The following CALN1 variants were observed in gnomAD, a reference collection of about 807,000 sequenced individuals.
The protein encoded by CALN1 is calneuron 1.
In CALN1, 17 loss-of-function variants were observed where a neutral mutation model predicts 30.6. That is an observed-to-expected ratio of 0.56 (90% CI 0.38 to 0.83). CALN1 has a LOEUF of 0.83. Among genes scored for constraint, CALN1 ranks in the 40% least tolerant of loss-of-function variants. CALN1 has a pLI of 0.00. For synonymous variants in CALN1, 156 were observed against 131.4 expected (o/e 1.19, Z -1.28); for missense variants, 291 against 354.9 (o/e 0.82, Z 1.45).
chr7:72,019,454 A>G (rs969749669), intron 5 of CALN1, among the ~76,000 whole-genome samples: 1 of 152,228 alleles, frequency 6.6e-6, no homozygotes, highest in Admixed American at 6.5e-5. Context: ...AGAATATTGC[A>G]GAAATGATTG....
intron 5 of CALN1, among the ~76,000 whole-genome samples, chr7:71,991,071 A>G (rs1415751353): frequency 6.6e-6 from 1 of 152,130 alleles, no homozygotes; most frequent in East Asian, 1.9e-4. Context: ...ACAAATATGA[A>G]GGAAGAGAAC....
intron 3 of CALN1, among the ~76,000 whole-genome samples, chr7:72,252,628 C>A (rs142294687): frequency 1.6e-4 from 22 of 140,088 alleles, no homozygotes; most frequent in Admixed American, 7.9e-4. Context: ...AAAAGAAAGA[C>A]AGAGGAAGGA....
chr7:72,049,778 G>C (rs2129535588), intron 4 of CALN1, among the ~76,000 whole-genome samples: 1 of 151,376 alleles, frequency 6.6e-6, no homozygotes, highest in East Asian at 2.0e-4. Flanking sequence ...AAAGTGCTGG[G>C]ATTACAGGTG....
At chr7:72,423,267 T>C (rs1807677201) in intron 1 of CALN1, among the ~76,000 whole-genome samples, 1 of 152,258 alleles carries the variant, frequency 6.6e-6, no homozygotes, top group Admixed American at 6.5e-5. Flanking sequence ...TTTCAAGTTT[T>C]AATTTTCCTA....
intron 5 of CALN1, among the ~76,000 whole-genome samples, chr7:71,885,111 G>A (rs193291538): frequency 8.7e-4 from 133 of 152,198 alleles, no homozygotes; most frequent in African/African-American, 3.1e-3. Flanking sequence ...TGCCCGCTCC[G>A]CTTTGAGTTG....
intron 2 of CALN1, among the ~76,000 whole-genome samples, chr7:72,358,105 C>T (rs1803348742): frequency 6.6e-6 from 1 of 151,850 alleles, no homozygotes; most frequent in African/African-American, 2.4e-5. Context: ...GATCCTCCCA[C>T]CTCAGCATCC....
the CALN1 span, among the ~76,000 whole-genome samples, chr7:72,459,131 C>T: frequency 2.0e-5 from 3 of 151,788 alleles, no homozygotes; most frequent in African/African-American, 4.8e-5. Context: ...CTCAAACTCT[C>T]GACCTCAGGT....
chr7:72,002,442 G>A (rs1400618504), intron 5 of CALN1, among the ~76,000 whole-genome samples: 1 of 152,100 alleles, frequency 6.6e-6, no homozygotes, highest in East Asian at 1.9e-4. Flanking sequence ...ATGGGTAATT[G>A]AAGTACAGTT....
chr7:72,169,385 T>C (rs1034708086), intron 3 of CALN1, among the ~76,000 whole-genome samples: 8 of 152,102 alleles, frequency 5.3e-5, no homozygotes, highest in Non-Finnish European at 1.0e-4. Flanking sequence ...AGTGGTGTGA[T>C]CATACCTCAC....
At position 72,373,774 on chromosome 7, in the gene CALN1, T is replaced by C. The variant is rs368925642; in HGVS notation, c.119+29477A>G. Among the ~76,000 whole-genome samples, 31 of 152,282 alleles carry C rather than the reference T, an allele frequency of 2.0e-4. No individual in the cohort carries two copies. In the East Asian group the frequency reaches 2.5e-3, roughly 12 times the overall value. ...TAAATCTATGGATTCAGTAAGCTCATAGAATCAGAAACAGAGTAAGTCCCA... is the reference window on the plus strand; with the variant it reads ...TAAATCTATGGATTCAGTAAGCTCACAGAATCAGAAACAGAGTAAGTCCCA... On this transcript the variant is annotated intron_variant, in intron 2 of 6. Coordinates refer to ENST00000395275, the MANE Select transcript of CALN1 (RefSeq NM_031468.4).
intron 5 of CALN1, among the ~76,000 whole-genome samples, chr7:71,850,620 G>A (rs1790582605): frequency 6.6e-6 from 1 of 152,170 alleles, no homozygotes; most frequent in Non-Finnish European, 1.5e-5. Context: ...TTTTTTGTAG[G>A]GGGGAGGTTA....
At chr7:71,882,202 G>T (rs980430692) in intron 5 of CALN1, among the ~76,000 whole-genome samples, 1 of 152,154 alleles carries the variant, frequency 6.6e-6, no homozygotes, top group Non-Finnish European at 1.5e-5. Flanking sequence ...CTTGGCTCAT[G>T]GGCCCATCCC....
intron 3 of CALN1, among the ~76,000 whole-genome samples, chr7:72,245,833 G>A (rs983995144): frequency 2.6e-5 from 4 of 152,054 alleles, no homozygotes; most frequent in East Asian, 1.9e-4. Context: ...TTTCAATAGC[G>A]ACTGTGCACC....
At chr7:72,049,337 T>C (rs1377063593) in intron 4 of CALN1, among the ~76,000 whole-genome samples, 2 of 152,160 alleles carry the variant, frequency 1.3e-5, no homozygotes, top group African/African-American at 4.8e-5. Flanking sequence ...GATCCGAGAA[T>C]ACTAGAAGGT....
intron 5 of CALN1, among the ~76,000 whole-genome samples, chr7:71,910,744 T>C (rs1794384214): frequency 6.6e-6 from 1 of 152,162 alleles, no homozygotes; most frequent in Non-Finnish European, 1.5e-5. Flanking sequence ...TCTTGTCCAG[T>C]CCCCCTGAAG....
intron 5 of CALN1, among the ~76,000 whole-genome samples, chr7:71,825,342 G>C (rs1367736568): frequency 6.6e-6 from 1 of 152,188 alleles, no homozygotes; most frequent in Non-Finnish European, 1.5e-5. Context: ...TGTTCTCGTG[G>C]TAGTGAATAA....
intron 3 of CALN1, among the ~76,000 whole-genome samples, chr7:72,193,138 A>C (rs557501546): frequency 6.6e-6 from 1 of 152,000 alleles, no homozygotes; most frequent in Admixed American, 6.6e-5. Flanking sequence ...CAGTGAATCA[A>C]GATTGTGCCA....
chr7:71,863,435 G>A (rs1188012243), intron 5 of CALN1, among the ~76,000 whole-genome samples: 2 of 151,324 alleles, frequency 1.3e-5, no homozygotes, highest in Non-Finnish European at 2.9e-5. Flanking sequence ...ACACATGCCT[G>A]TAGTCCCAGC....
chr7:71,848,162 G>A lies in CALN1; in HGVS notation c.502-37670C>T, dbSNP rs142113354. Among the ~76,000 whole-genome samples the A allele has an allele frequency of 2.0e-5, 3 of 152,248 alleles. No homozygotes were observed. The East Asian group carries it at 5.8e-4, about 29-fold the overall frequency. ...AGCACCCTGGGAGAATGGTACTTTG[G>A]GAATGCCAATTTTAAAGAATTGTAA... is the stretch of plus-strand genomic sequence containing the variant. On this transcript the variant is annotated intron_variant, in intron 5 of 6. Transcript: ENST00000395275.
Sources: gnomAD v4.1 joint callset for allele counts (sites outside exome capture counted in the v4.1 genomes callset) on GRCh38, gnomAD v4.1.1 for gene constraint, MANE v1.5 for transcripts, NCBI Gene and HGNC (gene_info 2026-07-23, HGNC 2026-07-21) for gene names.